The following ZBTB16 variants were observed in gnomAD, a reference collection of about 807,000 sequenced individuals.
ZBTB16 encodes zinc finger and BTB domain-containing protein 16.
In ZBTB16, 8 loss-of-function variants were observed where a neutral mutation model predicts 56.8. The observed-to-expected ratio is 0.14, with a 90% CI of 0.08 to 0.25. The LOEUF (loss-of-function observed/expected upper bound fraction) is 0.25, where lower values mean the gene tolerates loss of function less well. ZBTB16 is among the 10% of genes least tolerant of loss of function. ZBTB16 has a pLI of 1.00. For missense variants in ZBTB16, 625 were observed against 903.0 expected (o/e 0.69, Z 3.95); for synonymous variants, 363 against 368.5 (o/e 0.98, Z 0.17).
intron 2 of ZBTB16, among the ~76,000 whole-genome samples, chr11:114,135,982 T>C (rs908544746): frequency 4.6e-5 from 7 of 152,178 alleles, no homozygotes; most frequent in Admixed American, 3.3e-4. Flanking sequence ...ACTTCCTTCT[T>C]GTGGGGGAGA....
rs114106866 is a variant in ZBTB16, at chr11:114,139,406, G to A, written c.1269-16931G>A. Among the ~76,000 whole-genome samples the A allele has an allele frequency of 7.4e-3, 1,119 of 152,206 alleles. 22 individuals are homozygous for A. The highest frequency in any genetic ancestry group is 0.025 in the African/African-American group (1,026 of 41,500). ...CTCTCCGGCTTCGCCAGTTTGTTCC[G>A]TGTGATCATTTCAGCTTTATTTGGA... On this transcript the variant is annotated intron_variant, in intron 2 of 6. Coordinates refer to ENST00000335953, the MANE Select transcript of ZBTB16 (RefSeq NM_006006.6).
intron 2 of ZBTB16, among the ~76,000 whole-genome samples, chr11:114,155,458 C>CGGGTTGG (rs150639134): frequency 6.6e-6 from 1 of 152,102 alleles, no homozygotes; most frequent in South Asian, 2.1e-4. Context: ...GGAGAGGCCC[C>CGGGTTGG]GGGTTGGGGG....
chr11:114,197,503 A>G (rs1242542044), intron 4 of ZBTB16, among the ~76,000 whole-genome samples: 1 of 152,150 alleles, frequency 6.6e-6, no homozygotes, highest in Non-Finnish European at 1.5e-5. Flanking sequence ...TTGGAGGTGC[A>G]GAACTGTCTC....
Position 114,251,151 on chromosome 11 carries a change from C to A in ZBTB16, c.*596C>A, listed in dbSNP as rs1386239962. ...CCTCTGCTTTGCCACATCTGGGTGT[C>A]CCCCGGTGGTCTCTGAGAGCCTCAG... On this transcript the variant is annotated 3_prime_UTR_variant, in exon 7 of 7. Transcript: ENST00000335953. 1.3e-5 allele frequency among the ~76,000 whole-genome samples: 2 copies of A among 152,146 alleles called. No homozygotes were observed. The highest frequency in any genetic ancestry group is 4.8e-5 in the African/African-American group (2 of 41,422).
chr11:114,159,692 T>C (rs1363190873), intron 3 of ZBTB16, among the ~76,000 whole-genome samples: 1 of 152,156 alleles, frequency 6.6e-6, no homozygotes, highest in Non-Finnish European at 1.5e-5. Flanking sequence ...TTCTTACAGA[T>C]TCCAGTAGTG....
At chr11:114,210,548 C>T (rs930369675) in intron 4 of ZBTB16, 10 of 230,716 alleles carry the variant, frequency 4.3e-5, no homozygotes, top group African/African-American at 1.1e-4. Context: ...TTGGAAGAAG[C>T]GGATTAGTGT....
At chr11:114,125,710 G>A (rs1325005787) in intron 2 of ZBTB16, among the ~76,000 whole-genome samples, 1 of 152,096 alleles carries the variant, frequency 6.6e-6, no homozygotes, top group East Asian at 1.9e-4. Context: ...TTTCCCTCTA[G>A]GGCAGAAGCG....
intron 3 of ZBTB16, among the ~76,000 whole-genome samples, chr11:114,178,316 T>G (rs1943167969): frequency 6.6e-6 from 1 of 152,302 alleles, no homozygotes. Flanking sequence ...TATTAAACAC[T>G]TTACATATAT....
At chr11:114,095,218 T>C (rs983043489) in intron 2 of ZBTB16, among the ~76,000 whole-genome samples, 3 of 151,072 alleles carry the variant, frequency 2.0e-5, no homozygotes, top group Non-Finnish European at 2.9e-5. Flanking sequence ...TCGTGTCTTA[T>C]GTAACCAATT....
chr11:114,198,722 G>A (rs962109128), intron 4 of ZBTB16, among the ~76,000 whole-genome samples: 3 of 152,154 alleles, frequency 2.0e-5, no homozygotes, highest in African/African-American at 7.2e-5. Flanking sequence ...TGGTACATTT[G>A]TTACAATTGG....
chr11:114,218,405 C>A (rs1328261674), intron 4 of ZBTB16, among the ~76,000 whole-genome samples: 1 of 152,206 alleles, frequency 6.6e-6, no homozygotes, highest in Non-Finnish European at 1.5e-5. Flanking sequence ...TTTCCTGAAA[C>A]CCCTCTTCCA....
intron 4 of ZBTB16, among the ~76,000 whole-genome samples, chr11:114,192,142 C>T (rs1943509853): frequency 6.6e-6 from 1 of 152,142 alleles, no homozygotes; most frequent in South Asian, 2.1e-4. Context: ...GCTGGATGTC[C>T]AAGATGGCTC....
chr11:114,171,887 T>C (rs899596175), intron 3 of ZBTB16, among the ~76,000 whole-genome samples: 7 of 152,242 alleles, frequency 4.6e-5, no homozygotes, highest in African/African-American at 1.7e-4. Flanking sequence ...ATTGTAAAAT[T>C]AGCTAGGAAA....
rs576622286 is a variant in ZBTB16, at chr11:114,254,524, G to A, written c.*3969G>A. On this transcript the variant is annotated 3_prime_UTR_variant, in exon 7 of 7. Coordinates refer to ENST00000335953, the MANE Select transcript of ZBTB16 (RefSeq NM_006006.6). ...CCTCCCTATAGGGGAGAGAGCAGAG[G>A]TGGGGCAGCCTTTCGACTCTGTCCA... Among the ~76,000 whole-genome samples the A allele has an allele frequency of 7.2e-5, 11 of 152,332 alleles. No homozygotes were observed. In the South Asian group the frequency reaches 1.9e-3, roughly 26 times the overall value.
In ZBTB16 at chr11:114,255,600, C is replaced by A. The variant is rs1011235200; in HGVS notation, c.*5045C>A. On this transcript the variant is annotated 3_prime_UTR_variant, in exon 7 of 7. Transcript: ENST00000335953. ...TTGTGCTTGCCGCTCCTTATCTGTT[C>A]TAGTTCCGAAGCAGTTTCACTCGAA... Among the ~76,000 whole-genome samples the A allele has an allele frequency of 1.3e-5, 2 of 151,526 alleles. No individual in the cohort carries two copies. Among genetic ancestry groups the A allele is most frequent in the African/African-American group, 2.4e-5 (1 of 41,228 alleles).
intron 2 of ZBTB16, among the ~76,000 whole-genome samples, chr11:114,068,499 A>T (rs1012932315): frequency 6.6e-6 from 1 of 152,158 alleles, no homozygotes; most frequent in Non-Finnish European, 1.5e-5. Flanking sequence ...TGTAAAAGGG[A>T]TGCAGTGTCA....
intron 3 of ZBTB16, among the ~76,000 whole-genome samples, chr11:114,177,912 A>G (rs543063395): frequency 2.6e-5 from 4 of 152,338 alleles, no homozygotes; most frequent in African/African-American, 9.6e-5. Context: ...CAAATTTACT[A>G]TCCTACTTGC....
intron 2 of ZBTB16, among the ~76,000 whole-genome samples, chr11:114,137,374 A>C (rs1022283732): frequency 6.6e-6 from 1 of 152,210 alleles, no homozygotes; most frequent in Non-Finnish European, 1.5e-5. Flanking sequence ...CCAAAATGGA[A>C]GTGTCTTGGG....
At chr11:114,120,596 C>G (rs555946800) in intron 2 of ZBTB16, among the ~76,000 whole-genome samples, 2 of 152,338 alleles carry the variant, frequency 1.3e-5, no homozygotes, top group East Asian at 3.9e-4. Flanking sequence ...TTCAACTCTT[C>G]TTCCCCTCTG....
Sources: gnomAD v4.1 joint callset for allele counts (sites outside exome capture counted in the v4.1 genomes callset) on GRCh38, gnomAD v4.1.1 for gene constraint, MANE v1.5 for transcripts, NCBI Gene and HGNC (gene_info 2026-07-23, HGNC 2026-07-21) for gene names.